ATG7: variants seen among roughly 807,000 people sequenced by gnomAD.
ATG7 encodes ubiquitin-like modifier-activating enzyme ATG7.
ATG7 carries 70 observed loss-of-function variants against 82.4 expected under a neutral mutation model. The ratio of observed to expected loss-of-function variants is 0.85; its 90% CI spans 0.70 to 1.04. The LOEUF (loss-of-function observed/expected upper bound fraction) is 1.04. Ranked by LOEUF, ATG7 falls within the 50% of genes least tolerant of loss-of-function variation. ATG7 has a pLI of 0.00. For synonymous variants in ATG7, 287 were observed against 313.0 expected (o/e 0.92, Z 0.88); for missense variants, 792 against 864.3 (o/e 0.92, Z 1.05).
intron 20 of ATG7, among the ~76,000 whole-genome samples, chr3:11,536,266 G>A (rs547766836): frequency 6.6e-6 from 1 of 152,240 alleles, no homozygotes; most frequent in South Asian, 2.1e-4. Flanking sequence ...AAGAACTGCA[G>A]TTACTGAATA....
At chr3:11,480,308 G>A (rs1160969133) in intron 20 of ATG7, among the ~76,000 whole-genome samples, 2 of 152,146 alleles carry the variant, frequency 1.3e-5, no homozygotes, top group Admixed American at 1.3e-4. Flanking sequence ...GCTGAGGTGG[G>A]AAGATCGCTT....
At chr3:11,512,764 G>A (rs1157783378) in intron 20 of ATG7, among the ~76,000 whole-genome samples, 1 of 152,210 alleles carries the variant, frequency 6.6e-6, no homozygotes, top group Admixed American at 6.5e-5. Flanking sequence ...CCATAGTGTG[G>A]AAGGGGACCT....
In ATG7 at chr3:11,417,800, A is replaced by ATTATTTTTTTTTTTTTTTTTTTTTTTT. The variant is rs1553652380; in HGVS notation, c.1957-9002_1957-9001insATTTTTTTTTTTTTTTTTTTTTTTTTT. Reference sequence around the variant, plus strand: ...CATTTAAAAAATTATTATTATTATTATTTTATTTTATTTTATTTTTTTTTT... The same window carrying ATTATTTTTTTTTTTTTTTTTTTTTTTT: ...CATTTAAAAAATTATTATTATTATTATTATTTTTTTTTTTTTTTTTTTTTTTTTTTTATTTTATTTTATTTTTTTTTT... On this transcript the variant is annotated intron_variant, in intron 19 of 20. Transcript: ENST00000693202. 3.7e-5 allele frequency among the ~76,000 whole-genome samples: 4 copies of ATTATTTTTTTTTTTTTTTTTTTTTTTT among 109,368 alleles called. 1 individual carries two copies. The highest frequency in any genetic ancestry group is 3.2e-5 in the African/African-American group (1 of 30,830). The allele number at this position is 109,368 out of a possible 152,430, so 71.7% of individuals were successfully genotyped here.
chr3:11,535,358 A>T (rs1332670107), intron 20 of ATG7, among the ~76,000 whole-genome samples: 3 of 152,218 alleles, frequency 2.0e-5, no homozygotes, highest in African/African-American at 7.2e-5. Flanking sequence ...TCTGTCTCCC[A>T]GTGGCACCCA....
intron 5 of ATG7, among the ~76,000 whole-genome samples, chr3:11,304,234 T>C (rs1234105501): frequency 1.3e-5 from 2 of 152,226 alleles, no homozygotes; most frequent in Non-Finnish European, 2.9e-5. Flanking sequence ...GGGCAGAGGC[T>C]GTGTCTTTCT....
chr3:11,314,085 T>C (rs1357217306), intron 8 of ATG7, among the ~76,000 whole-genome samples: 1 of 152,132 alleles, frequency 6.6e-6, no homozygotes, highest in African/African-American at 2.4e-5. Context: ...AAAGAGTCTT[T>C]GAAACAAAAC....
intron 3 of ATG7, among the ~76,000 whole-genome samples, chr3:11,297,221 G>A (rs1330516550): frequency 2.0e-5 from 3 of 152,094 alleles, no homozygotes; most frequent in African/African-American, 7.2e-5. Flanking sequence ...AGCCAGTCAC[G>A]GTAGCCCATG....
intron 5 of ATG7, among the ~76,000 whole-genome samples, chr3:11,303,155 G>A (rs931945926): frequency 2.0e-5 from 3 of 152,142 alleles, no homozygotes; most frequent in African/African-American, 7.2e-5. Flanking sequence ...GCAAACAGGT[G>A]GAAGAGACAC....
chr3:11,402,115 T>C (rs918080985), intron 19 of ATG7, among the ~76,000 whole-genome samples: 2 of 152,132 alleles, frequency 1.3e-5, no homozygotes, highest in African/African-American at 4.8e-5. Flanking sequence ...CAGTTTCACA[T>C]GACTAGCAAA....
At chr3:11,448,411 C>T (rs1018063645) in intron 20 of ATG7, among the ~76,000 whole-genome samples, 1 of 152,176 alleles carries the variant, frequency 6.6e-6, no homozygotes, top group Non-Finnish European at 1.5e-5. Flanking sequence ...CCCCTGAGGT[C>T]AGCATGAGGC....
intron 20 of ATG7, among the ~76,000 whole-genome samples, chr3:11,484,790 A>G (rs200282386): frequency 6.6e-6 from 1 of 151,964 alleles, no homozygotes; most frequent in Non-Finnish European, 1.5e-5. Flanking sequence ...GAGAATATGC[A>G]GTGTTTGGTT....
intron 19 of ATG7, among the ~76,000 whole-genome samples, chr3:11,388,720 G>A (rs745781249): frequency 2.6e-4 from 39 of 151,890 alleles, no homozygotes; most frequent in Non-Finnish European, 4.3e-4. Context: ...GAGCCACTGC[G>A]CCAGGCCCCT....
At chr3:11,340,828 GC>G (rs1953445810) in intron 12 of ATG7, 93 bp downstream of exon 12, 2 of 1,137,058 alleles carry the variant, frequency 1.8e-6, no homozygotes, top group African/African-American at 1.6e-5. Flanking sequence ...GTGTAATTCA[GC>G]CCAGGGGGTG....
chr3:11,571,514 T>A, the ATG7 span, among the ~76,000 whole-genome samples: 1 of 151,682 alleles, frequency 6.6e-6, no homozygotes, highest in Non-Finnish European at 1.5e-5. Flanking sequence ...CAAAACCCCG[T>A]CTCTACAAAA....
intron 20 of ATG7, among the ~76,000 whole-genome samples, chr3:11,507,137 C>T (rs1342333276): frequency 6.6e-6 from 1 of 152,060 alleles, no homozygotes; most frequent in East Asian, 1.9e-4. Context: ...CAAAAATTAG[C>T]CAGGTGAGGT....
chr3:11,391,315 C>T (rs2078784547), intron 19 of ATG7, among the ~76,000 whole-genome samples: 1 of 151,990 alleles, frequency 6.6e-6, no homozygotes. Flanking sequence ...AATTATTAAC[C>T]TAAATGAAGC....
intron 20 of ATG7, among the ~76,000 whole-genome samples, chr3:11,497,662 T>A (rs766328400): frequency 6.6e-6 from 1 of 151,850 alleles, no homozygotes; most frequent in East Asian, 1.9e-4. Flanking sequence ...TCCCTCGAGA[T>A]ACAAAGCAGA....
chr3:11,575,624 G>A, the ATG7 span, among the ~76,000 whole-genome samples: 1 of 152,224 alleles, frequency 6.6e-6, no homozygotes, highest in African/African-American at 2.4e-5. Flanking sequence ...CTTAAAGAAA[G>A]ATCCCAGACA....
At chr3:11,435,279 G>A (rs1482141170) in intron 20 of ATG7, among the ~76,000 whole-genome samples, 1 of 152,052 alleles carries the variant, frequency 6.6e-6, no homozygotes, top group Non-Finnish European at 1.5e-5. Context: ...TTGTATTGAT[G>A]TGTGTCACTG....
Sources: allele counts gnomAD v4.1 joint callset (sites outside exome capture counted in the v4.1 genomes callset), GRCh38; gene constraint gnomAD v4.1.1; transcripts MANE v1.5; gene names NCBI Gene and HGNC (gene_info 2026-07-23, HGNC 2026-07-21).